IL1RAPL2: variants seen among roughly 807,000 people sequenced by gnomAD.
The protein encoded by IL1RAPL2 is X-linked interleukin-1 receptor accessory protein-like 2.
A neutral mutation model predicts 44.1 loss-of-function variants in IL1RAPL2; 3 were observed. That is an observed-to-expected ratio of 0.07 (90% CI 0.03 to 0.18). IL1RAPL2 has a LOEUF of 0.18. IL1RAPL2 is among the 10% of genes least tolerant of loss of function. The probability of loss-of-function intolerance (pLI) is 1.00; values close to 1 mark genes in which losing one functional copy is unlikely to be tolerated. For synonymous variants in IL1RAPL2, 181 were observed against 178.8 expected, an observed-to-expected ratio of 1.01 and a Z score of -0.10; for missense variants, 391 against 496.4, an observed-to-expected ratio of 0.79 and a Z score of 2.02.
intron 2 of IL1RAPL2, among the ~76,000 whole-genome samples, chrX:104,897,114 A>G (rs369989985): frequency 2.8e-4 from 31 of 112,077 alleles, no homozygotes; most frequent in African/African-American, 9.1e-4. Context: ...ACTGGAAGGA[A>G]CGAATTCTGG....
chrX:105,210,443 G>A (rs1426439308), intron 3 of IL1RAPL2, among the ~76,000 whole-genome samples: 2 of 110,790 alleles, frequency 1.8e-5, no homozygotes, highest in Non-Finnish European at 3.8e-5. Context: ...TAATGATTTT[G>A]CCCTCTAGTG....
chrX:105,073,336 T>C (rs1488778069), intron 2 of IL1RAPL2, among the ~76,000 whole-genome samples: 1 of 106,185 alleles, frequency 9.4e-6, no homozygotes, highest in Non-Finnish European at 1.9e-5. Context: ...AGAATGATGG[T>C]TTCCAGCTTC....
Position 105,645,060 on chromosome X carries a change from A to G in IL1RAPL2, c.773-72307A>G, listed in dbSNP as rs142467383. ...CTTTGCTATTGTGAACAGTGCCTCA[A>G]GCAAGCTTTTCCATCACACCTGTAG... On this transcript the variant is annotated intron_variant, in intron 6 of 10. Transcript: ENST00000372582. Among the ~76,000 whole-genome samples the G allele has an allele frequency of 4.8e-3, 540 of 111,827 alleles. 7 individuals are homozygous for G. Among genetic ancestry groups the G allele is most frequent in the African/African-American group, 0.017 (515 of 30,745 alleles).
chrX:105,542,712 TTTA>T (rs2036751315), intron 6 of IL1RAPL2, among the ~76,000 whole-genome samples: 2 of 92,537 alleles, frequency 2.2e-5, no homozygotes, highest in Non-Finnish European at 4.5e-5. Flanking sequence ...TATTTATTTA[TTTA>T]TTTATTTATT....
At chrX:105,322,006 A>G (rs963228527) in intron 5 of IL1RAPL2, among the ~76,000 whole-genome samples, 4 of 112,936 alleles carry the variant, frequency 3.5e-5, no homozygotes, top group Admixed American at 2.8e-4. Context: ...TTGGCTGCCT[A>G]CTGGACAACT....
At chrX:105,083,373 C>A (rs1453529763) in intron 2 of IL1RAPL2, among the ~76,000 whole-genome samples, 1 of 111,681 alleles carries the variant, frequency 9.0e-6, no homozygotes, top group Non-Finnish European at 1.9e-5. Context: ...AGTTGGAAAA[C>A]ACTCTTCAGG....
chrX:105,154,572 T>C (rs1280198655), intron 2 of IL1RAPL2, among the ~76,000 whole-genome samples: 2 of 110,423 alleles, frequency 1.8e-5, no homozygotes, highest in Non-Finnish European at 3.8e-5. Flanking sequence ...AGCATCTTGA[T>C]CTCCTAATAG....
At chrX:104,898,079 C>A in intron 2 of IL1RAPL2, among the ~76,000 whole-genome samples, 1 of 111,596 alleles carries the variant, frequency 9.0e-6, no homozygotes, top group Middle Eastern at 4.7e-3. Context: ...GTATCATTGA[C>A]GGAGAGATTG....
At chrX:105,508,027 G>C (rs1402906082) in intron 6 of IL1RAPL2, among the ~76,000 whole-genome samples, 1 of 111,163 alleles carries the variant, frequency 9.0e-6, no homozygotes, top group African/African-American at 3.3e-5. Flanking sequence ...CACTGCAATA[G>C]ATCTCCTAAA....
At chrX:105,081,172 A>G (rs1385444580) in intron 2 of IL1RAPL2, among the ~76,000 whole-genome samples, 1 of 111,304 alleles carries the variant, frequency 9.0e-6, no homozygotes, top group South Asian at 3.8e-4. Flanking sequence ...AACAGAGACA[A>G]TTTGACATCC....
Position 105,655,279 on chromosome X carries a change from G to GA in IL1RAPL2, c.773-62087dup, listed in dbSNP as rs754871288. ...CACAAAGTACCAATCTTTAGTCTGTGACAGTGGAAACTTATGGGGCACCCC... is the reference window on the plus strand; with the variant it reads ...CACAAAGTACCAATCTTTAGTCTGTGAACAGTGGAAACTTATGGGGCACCCC... On this transcript the variant is annotated intron_variant, in intron 6 of 10. Coordinates refer to ENST00000372582, the MANE Select transcript of IL1RAPL2 (RefSeq NM_017416.2). 3.6e-5 allele frequency among the ~76,000 whole-genome samples: 4 copies of GA among 112,559 alleles called. No homozygotes were observed. In the South Asian group the frequency reaches 1.5e-3, roughly 41 times the overall value.
intron 1 of IL1RAPL2, among the ~76,000 whole-genome samples, chrX:104,584,292 G>A (rs1928465911): frequency 9.0e-6 from 1 of 111,171 alleles, no homozygotes; most frequent in Non-Finnish European, 1.9e-5. Context: ...TAAAGATAAT[G>A]CAACAGGGAG....
intron 7 of IL1RAPL2, among the ~76,000 whole-genome samples, chrX:105,723,629 C>T (rs1457252143): frequency 9.0e-6 from 1 of 111,300 alleles, no homozygotes; most frequent in Non-Finnish European, 1.9e-5. Flanking sequence ...AATTTAAAAA[C>T]AACAAAAATT....
At chrX:105,354,032 C>T (rs2035180213) in intron 5 of IL1RAPL2, among the ~76,000 whole-genome samples, 1 of 110,953 alleles carries the variant, frequency 9.0e-6, no homozygotes, top group East Asian at 2.9e-4. Flanking sequence ...GGAATGCTTC[C>T]AGTTTTTGCC....
intron 5 of IL1RAPL2, among the ~76,000 whole-genome samples, chrX:105,378,029 G>T (rs1181624677): frequency 9.0e-6 from 1 of 111,613 alleles, no homozygotes; most frequent in African/African-American, 3.3e-5. Context: ...ATCAAAAAAT[G>T]GAATAACAGT....
chrX:105,397,993 G>A (rs2035576776), intron 5 of IL1RAPL2, among the ~76,000 whole-genome samples: 1 of 110,716 alleles, frequency 9.0e-6, no homozygotes, highest in Admixed American at 9.7e-5. Context: ...AGGAGAGGTT[G>A]AGATGTGACT....
chrX:105,704,122 T>C (rs1433799582), intron 6 of IL1RAPL2, among the ~76,000 whole-genome samples: 3 of 111,770 alleles, frequency 2.7e-5, no homozygotes, highest in Admixed American at 9.5e-5. Context: ...GTTAGCAATA[T>C]ACACAACGAT....
intron 2 of IL1RAPL2, among the ~76,000 whole-genome samples, chrX:104,881,104 G>A (rs1027801734): frequency 3.6e-5 from 4 of 111,284 alleles, no homozygotes; most frequent in East Asian, 2.8e-4. Flanking sequence ...TTTACATAAC[G>A]TAAAATTTTT....
chrX:105,076,581 C>T (rs2147543381), intron 2 of IL1RAPL2, among the ~76,000 whole-genome samples: 1 of 110,955 alleles, frequency 9.0e-6, no homozygotes, highest in South Asian at 3.9e-4. Context: ...GAGCTGAGTT[C>T]AACTCCTGGA....
Sources: gnomAD v4.1 joint callset for allele counts (sites outside exome capture counted in the v4.1 genomes callset) on GRCh38, gnomAD v4.1.1 for gene constraint, MANE v1.5 for transcripts, NCBI Gene and HGNC (gene_info 2026-07-23, HGNC 2026-07-21) for gene names.